Variants in PRELID3A observed in about 807,000 individuals in gnomAD.
PRELID3A encodes PRELI domain containing 3A, also known as PRELI domain containing protein 3A.
A neutral mutation model predicts 23.0 loss-of-function variants in PRELID3A; 27 were observed. That is an observed-to-expected ratio of 1.17 (90% confidence interval 0.87 to 1.62). PRELID3A has a LOEUF of 1.62. Among genes scored for constraint, PRELID3A ranks in the 40% most tolerant of loss-of-function variants. The pLI, the probability that PRELID3A is intolerant of heterozygous loss-of-function variation, is 0.00. For synonymous variants in PRELID3A, 87 were observed against 86.4 expected (o/e 1.01, Z -0.04); for missense variants, 231 against 231.4 (o/e 1.00, Z 0.01).
intron 1 of PRELID3A, among the ~76,000 whole-genome samples, chr18:12,414,252 T>A (rs1046917301): frequency 6.6e-6 from 1 of 152,136 alleles, no homozygotes; most frequent in Non-Finnish European, 1.5e-5. Context: ...ATAAAACTAA[T>A]CACTTGGCCA....
intron 1 of PRELID3A, among the ~76,000 whole-genome samples, chr18:12,417,976 C>T (rs760060955): frequency 6.6e-6 from 1 of 152,204 alleles, no homozygotes; most frequent in Non-Finnish European, 1.5e-5. Context: ...TTAGAGGCCA[C>T]CGAATGTAAT....
chr18:12,420,797 G>T (rs1598860545), intron 2 of PRELID3A, among the ~76,000 whole-genome samples: 1 of 127,128 alleles, frequency 7.9e-6, no homozygotes, highest in Admixed American at 7.8e-5. Flanking sequence ...GGGTCACGGG[G>T]TGGGGGGACG....
At chr18:12,417,565 G>C (rs1172065000) in intron 1 of PRELID3A, among the ~76,000 whole-genome samples, 1 of 152,200 alleles carries the variant, frequency 6.6e-6, no homozygotes. Flanking sequence ...TAAGCTTAAT[G>C]TTAGAAGGCA....
Position 12,425,020 on chromosome 18 carries a change from G to A in PRELID3A, c.292-2021G>A, listed in dbSNP as rs1452816754. Among the ~76,000 whole-genome samples the A allele has an allele frequency of 2.0e-5, 3 of 152,080 alleles. No individual in the cohort carries two copies. The East Asian group carries it at 5.8e-4, about 29-fold the overall frequency. ...TAGCCGGGCATGGTGGCGGGTGCCTGTAGTCCCAGCTACTCTGGAGGCTGA... is the reference window on the plus strand; with the variant it reads ...TAGCCGGGCATGGTGGCGGGTGCCTATAGTCCCAGCTACTCTGGAGGCTGA... On this transcript the variant is annotated intron_variant, in intron 3 of 6. Transcript: ENST00000440960.
chr18:12,417,966 T>G (rs774563780), intron 1 of PRELID3A, among the ~76,000 whole-genome samples: 11 of 152,172 alleles, frequency 7.2e-5, no homozygotes, highest in Non-Finnish European at 1.6e-4. Context: ...CCCTGACAAT[T>G]TAGAGGCCAC....
At chr18:12,408,296 G>C (rs551473533) in intron 1 of PRELID3A, among the ~76,000 whole-genome samples, 1 of 151,514 alleles carries the variant, frequency 6.6e-6, no homozygotes. Flanking sequence ...CAGCCAGGGC[G>C]GGGGCAGCCG....
intron 1 of PRELID3A, among the ~76,000 whole-genome samples, chr18:12,416,037 C>G (rs1378769959): frequency 6.6e-6 from 1 of 152,208 alleles, no homozygotes; most frequent in East Asian, 1.9e-4. Flanking sequence ...GTTCTCTGCT[C>G]CTCTTGAAAA....
intron 1 of PRELID3A, among the ~76,000 whole-genome samples, chr18:12,409,159 GT>G (rs71371255): frequency 1.2e-3 from 82 of 66,476 alleles, no homozygotes; most frequent in African/African-American, 2.6e-3. Context: ...CCCAGGCTGG[GT>G]TTTTTTTTTT....
intron 1 of PRELID3A, among the ~76,000 whole-genome samples, chr18:12,416,315 T>C (rs535713363): frequency 1.7e-4 from 26 of 152,160 alleles, no homozygotes; most frequent in Non-Finnish European, 3.7e-4. Flanking sequence ...GTTGTTGTTG[T>C]TGTTTGTTTT....
intron 3 of PRELID3A, among the ~76,000 whole-genome samples, chr18:12,426,374 GA>G (rs1364106146): frequency 1.3e-5 from 2 of 150,390 alleles, no homozygotes; most frequent in Non-Finnish European, 3.0e-5. Flanking sequence ...CTAACACGGT[GA>G]AACTCCGTCT....
intron 4 of PRELID3A, 34 bp from the exon 5 acceptor site, chr18:12,427,187 C>T: frequency 6.2e-7 from 1 of 1,603,266 alleles, no homozygotes; most frequent in Non-Finnish European, 8.5e-7. Flanking sequence ...TCTCTCAGGG[C>T]TGGTCAGCCC....
intron 6 of PRELID3A, among the ~76,000 whole-genome samples, chr18:12,430,297 GTATC>G (rs1326802773): frequency 1.3e-5 from 2 of 151,448 alleles, no homozygotes; most frequent in Non-Finnish European, 2.9e-5. Context: ...TGTGTGGTGA[GTATC>G]TATGTGTGTG....
chr18:12,420,424 CGG>C lies in PRELID3A; in HGVS notation c.133_134del (p.Gly45ProfsTer28). 6.3e-7 allele frequency: 1 copy of C among 1,589,352 alleles called. No homozygotes were observed. The highest frequency in any genetic ancestry group is 8.6e-7 in the Non-Finnish European group (1 of 1,168,998). ...GVDVLQRRVD[G>X]RGRLHSLRLL... Reference sequence around the variant, plus strand: ...TGGATGTGCTACAGCGCCGCGTGGACGGCCGCGGCCGCCTGCACAGCTTGCGC... The same window carrying C: ...TGGATGTGCTACAGCGCCGCGTGGACCCGCGGCCGCCTGCACAGCTTGCGC... On this transcript the variant is annotated frameshift_variant, in exon 2 of 7. Coordinates refer to ENST00000440960, the MANE Select transcript of PRELID3A (RefSeq NM_001142405.2). LOFTEE classifies it high-confidence loss of function.
In PRELID3A at chr18:12,410,246, G is replaced by T. The variant is rs575319213; in HGVS notation, c.32+2239G>T. ...GGCGCCTAGCAGGTGCTCGGAAGGG[G>T]TGAGGAATCTTACATGGAGATCAGA... On this transcript the variant is annotated intron_variant, in intron 1 of 6. Transcript: ENST00000440960. Among the ~76,000 whole-genome samples the T allele has an allele frequency of 3.7e-3, 558 of 152,374 alleles. 2 individuals carry two copies. Among genetic ancestry groups the T allele is most frequent in the Non-Finnish European group, 6.8e-3 (460 of 68,038 alleles).
chr18:12,417,505 ATTAT>A (rs149151038), intron 1 of PRELID3A, among the ~76,000 whole-genome samples: 3,460 of 152,330 alleles, frequency 0.023, 130 homozygotes, highest in African/African-American at 0.079. Context: ...TGAAAGAAAC[ATTAT>A]TTGAGATAAG....
intron 1 of PRELID3A, among the ~76,000 whole-genome samples, chr18:12,417,991 C>T (rs1458406593): frequency 2.0e-5 from 3 of 152,182 alleles, no homozygotes; most frequent in African/African-American, 7.2e-5. Flanking sequence ...TGTAATAGAA[C>T]AGGTTAGGGA....
intron 1 of PRELID3A, among the ~76,000 whole-genome samples, chr18:12,416,237 G>C (rs1437139476): frequency 6.6e-6 from 1 of 152,092 alleles, no homozygotes; most frequent in African/African-American, 2.4e-5. Context: ...ACTCAATATT[G>C]CCAGACTTGT....
Position 12,416,699 on chromosome 18 carries a change from G to T in PRELID3A, c.33-3626G>T, listed in dbSNP as rs113098162. On this transcript the variant is annotated intron_variant, in intron 1 of 6. Transcript: ENST00000440960. The stretch of plus-strand genomic sequence containing the variant: ...CTCACTCTGTTGCCCAGGGTGGAGT[G>T]CAGTGGCATGATCTGGGCTCACTGC... 4.1e-3 allele frequency among the ~76,000 whole-genome samples: 606 copies of T among 148,426 alleles called. 2 individuals carry two copies. Among genetic ancestry groups the T allele is most frequent in the Non-Finnish European group, 6.1e-3 (409 of 67,454 alleles).
At position 12,423,491 on chromosome 18, in the gene PRELID3A, G is replaced by A. The variant is rs545839125; in HGVS notation, c.291+1862G>A. ...GAGTAAGGAACAGGAGGCTCACGAC[G>A]CAGCTCTGCTCTCTGGTTAGGGCGC... is the stretch of plus-strand genomic sequence containing the variant. On this transcript the variant is annotated intron_variant, in intron 3 of 6. Transcript: ENST00000440960. 6.6e-5 allele frequency among the ~76,000 whole-genome samples: 10 copies of A among 152,302 alleles called. No individual in the cohort carries two copies. The South Asian group carries it at 1.0e-3, about 16-fold the overall frequency.
Sources: gnomAD v4.1 joint callset for allele counts (sites outside exome capture counted in the v4.1 genomes callset) on GRCh38, gnomAD v4.1.1 for gene constraint, MANE v1.5 for transcripts, NCBI Gene and HGNC (gene_info 2026-07-23, HGNC 2026-07-21) for gene names.